The following STXBP6 variants were observed in gnomAD, a reference collection of about 807,000 sequenced individuals.
STXBP6 encodes the protein syntaxin binding protein 6, also known as syntaxin-binding protein 6.
Under a neutral mutation model 26.9 loss-of-function variants are expected in STXBP6, and 21 were observed. The observed-to-expected ratio is 0.78, with a 90% CI of 0.55 to 1.12. The LOEUF is 1.12. STXBP6 is among the 50% of genes most tolerant of loss of function. The probability of loss-of-function intolerance (pLI) is 0.00; values close to 1 mark genes in which losing one functional copy is unlikely to be tolerated. For synonymous variants in STXBP6, 97 were observed against 92.6 expected (o/e 1.05, Z -0.27); for missense variants, 232 against 257.9 (o/e 0.90, Z 0.69).
intron 2 of STXBP6, among the ~76,000 whole-genome samples, chr14:24,956,378 G>A (rs1175987652): frequency 6.6e-6 from 1 of 152,148 alleles, no homozygotes; most frequent in Non-Finnish European, 1.5e-5. Flanking sequence ...CGAAGGTTTT[G>A]CTTGTAAAGC....
intron 1 of STXBP6, among the ~76,000 whole-genome samples, chr14:25,046,003 T>C (rs2075721743): frequency 6.6e-6 from 1 of 152,220 alleles, no homozygotes; most frequent in African/African-American, 2.4e-5. Context: ...ACTAGTGTTT[T>C]AGTTTAAAAG....
At chr14:24,850,131 C>T (rs763382772) in intron 4 of STXBP6, among the ~76,000 whole-genome samples, 4 of 151,888 alleles carry the variant, frequency 2.6e-5, no homozygotes, top group African/African-American at 4.8e-5. Flanking sequence ...GCCTGGGACA[C>T]GCACAAGGTG....
chr14:24,822,148 A>T (rs1345681263), intron 4 of STXBP6, among the ~76,000 whole-genome samples: 1 of 151,896 alleles, frequency 6.6e-6, no homozygotes, highest in African/African-American at 2.4e-5. Flanking sequence ...CAAAACCTCA[A>T]CTCATTATCT....
intron 2 of STXBP6, among the ~76,000 whole-genome samples, chr14:24,933,863 A>G (rs1180648202): frequency 6.6e-6 from 1 of 152,228 alleles, no homozygotes; most frequent in Admixed American, 6.5e-5. Context: ...AAGTCCAGTT[A>G]AAAGAAAACT....
In STXBP6 at chr14:24,921,754, TC is replaced by T. The variant is rs1480650631; in HGVS notation, c.154+52910del. On this transcript the variant is annotated intron_variant, in intron 2 of 5. Transcript: ENST00000323944. ...GTCATTTCTCATAAAAAGGAAATTG[TC>T]CCCCTCTGCCTATTTTAACCTATGT... 2.6e-5 allele frequency among the ~76,000 whole-genome samples: 4 copies of T among 152,232 alleles called. No homozygotes were observed. The East Asian group carries it at 7.7e-4, about 29-fold the overall frequency.
At chr14:24,971,876 A>C (rs1241103521) in intron 2 of STXBP6, among the ~76,000 whole-genome samples, 1 of 152,216 alleles carries the variant, frequency 6.6e-6, no homozygotes, top group African/African-American at 2.4e-5. Context: ...AAGATGCATG[A>C]ATTCTTTTCA....
chr14:24,986,370 G>A (rs2074332246), intron 1 of STXBP6, among the ~76,000 whole-genome samples: 1 of 152,174 alleles, frequency 6.6e-6, no homozygotes, highest in East Asian at 1.9e-4. Flanking sequence ...ACAGGCCTCT[G>A]TATTGACTCC....
At chr14:25,002,232 T>A (rs991087311) in intron 1 of STXBP6, among the ~76,000 whole-genome samples, 1 of 152,152 alleles carries the variant, frequency 6.6e-6, no homozygotes, top group Admixed American at 6.5e-5. Context: ...CAGAAAAAAA[T>A]TAAATTCTTC....
At chr14:24,987,649 GA>G (rs2074367260) in intron 1 of STXBP6, among the ~76,000 whole-genome samples, 2 of 152,332 alleles carry the variant, frequency 1.3e-5, no homozygotes, top group African/African-American at 4.8e-5. Flanking sequence ...TAAAGAGAAG[GA>G]ATGGGTCTTC....
In STXBP6 at chr14:24,977,591, A is replaced by G. The variant is rs149865719; in HGVS notation, c.-32-2741T>C. On this transcript the variant is annotated intron_variant, in intron 1 of 5. Transcript: ENST00000323944. ...TTAGTTTATTAACTACAACATAGAG[A>G]TGTCTTCACCTACCTCCTGGAACTA... Among the ~76,000 whole-genome samples, 68 of 152,342 alleles carry G rather than the reference A, an allele frequency of 4.5e-4. No homozygotes were observed. In the East Asian group the frequency reaches 5.6e-3, roughly 13 times the overall value.
intron 1 of STXBP6, among the ~76,000 whole-genome samples, chr14:25,044,170 CAAAAA>C (rs768658907): frequency 3.8e-5 from 2 of 53,326 alleles, no homozygotes; most frequent in Non-Finnish European, 6.6e-5. Flanking sequence ...GACTCTGCCT[CAAAAA>C]AAAAAAAAAA....
At chr14:24,857,228 T>C (rs2069369591) in intron 2 of STXBP6, 71 bp from the exon 3 acceptor site, 1 of 1,595,020 alleles carries the variant, frequency 6.3e-7, no homozygotes, top group African/African-American at 1.3e-5. Context: ...CAGTGCTGTT[T>C]CTACAGGACA....
chr14:24,997,777 AAT>A (rs1304559027), intron 1 of STXBP6, among the ~76,000 whole-genome samples: 1 of 152,228 alleles, frequency 6.6e-6, no homozygotes, highest in Non-Finnish European at 1.5e-5. Context: ...TCTTCCTATG[AAT>A]ATATAATTCA....
At chr14:24,966,882 C>G (rs1225306684) in intron 2 of STXBP6, among the ~76,000 whole-genome samples, 1 of 152,196 alleles carries the variant, frequency 6.6e-6, no homozygotes, top group African/African-American at 2.4e-5. Context: ...TGTTGGTATA[C>G]AGGACTGTCA....
At chr14:24,816,497 C>T (rs1038065105) in intron 5 of STXBP6, 2 of 152,056 alleles carry the variant, frequency 1.3e-5, no homozygotes, top group African/African-American at 4.8e-5. Context: ...CTGGCCATGA[C>T]ACTCTCTCAC....
intron 4 of STXBP6, among the ~76,000 whole-genome samples, chr14:24,823,909 C>T (rs2068211244): frequency 6.6e-6 from 1 of 152,176 alleles, no homozygotes; most frequent in African/African-American, 2.4e-5. Context: ...TAGTGACTCT[C>T]ACATAATATG....
chr14:24,839,358 T>G (rs1275395250), intron 4 of STXBP6, among the ~76,000 whole-genome samples: 1 of 148,016 alleles, frequency 6.8e-6, no homozygotes, highest in African/African-American at 2.4e-5. Flanking sequence ...CATCACCAAT[T>G]CATACAACAC....
At chr14:24,983,521 C>T (rs17109425) in intron 1 of STXBP6, among the ~76,000 whole-genome samples, 7,020 of 152,244 alleles carry the variant, frequency 0.046, 578 homozygotes, top group African/African-American at 0.16. Flanking sequence ...GAAGAAAAGA[C>T]AGAAGGAAAA....
At chr14:24,937,497 T>C (rs1236017303) in intron 2 of STXBP6, among the ~76,000 whole-genome samples, 1 of 152,234 alleles carries the variant, frequency 6.6e-6, no homozygotes, top group Admixed American at 6.5e-5. Flanking sequence ...GATGACAATA[T>C]GAGCAGTTAT....
Sources: allele counts gnomAD v4.1 joint callset (sites outside exome capture counted in the v4.1 genomes callset), GRCh38; gene constraint gnomAD v4.1.1; transcripts MANE v1.5; gene names NCBI Gene and HGNC (gene_info 2026-07-23, HGNC 2026-07-21).